The following GRM5 variants were observed in gnomAD, a reference collection of about 807,000 sequenced individuals.
The protein encoded by GRM5 is metabotropic glutamate receptor 5.
In GRM5, 19 loss-of-function variants were observed where a neutral mutation model predicts 83.1. The observed-to-expected ratio is 0.23, with a 90% CI of 0.16 to 0.34. GRM5 has a LOEUF of 0.34. GRM5 is among the 10% of genes least tolerant of loss of function. The pLI is 1.00. For synonymous variants in GRM5, 675 were observed against 633.6 expected, an observed-to-expected ratio of 1.07 and a Z score of -0.98; for missense variants, 1,160 against 1,588.3, an observed-to-expected ratio of 0.73 and a Z score of 4.58.
rs35291381 is a variant in GRM5 at position 88,966,057 on chromosome 11, C to T, written c.661+81155G>A. ...AAAAATCATACAAAGTATATTAGAC[C>T]GTAACATAATTTAAATAGAAAGAAA... On this transcript the variant is annotated intron_variant, in intron 2 of 9. Transcript: ENST00000305447. Among the ~76,000 whole-genome samples, 1,115 of 151,940 alleles carry T rather than the reference C, an allele frequency of 7.3e-3. 10 individuals are homozygous for T. The highest frequency in any genetic ancestry group is 0.048 in the Middle Eastern group (14 of 294).
rs1940037810 is a variant in GRM5, at chr11:88,993,037, A to T, written c.661+54175T>A. Among the ~76,000 whole-genome samples, 4 of 150,888 alleles carry T rather than the reference A, an allele frequency of 2.7e-5. No individual in the cohort carries two copies. In the South Asian group the frequency reaches 6.2e-4, roughly 24 times the overall value. On this transcript the variant is annotated intron_variant, in intron 2 of 9. Transcript: ENST00000305447. Reference sequence around the variant, plus strand: ...TAATAAATAAAATAAATAAAATAATAAAAAAATAAAAAATAAATAAAAAAA... The same window carrying T: ...TAATAAATAAAATAAATAAAATAATTAAAAAATAAAAAATAAATAAAAAAA...
chr11:88,765,920 A>G (rs1212424428), intron 3 of GRM5, among the ~76,000 whole-genome samples: 1 of 151,822 alleles, frequency 6.6e-6, no homozygotes, highest in Non-Finnish European at 1.5e-5. Context: ...ACAGAATGGG[A>G]GAAAATGTTT....
chr11:88,872,572 G>A (rs1047607655), intron 2 of GRM5, among the ~76,000 whole-genome samples: 11 of 151,314 alleles, frequency 7.3e-5, no homozygotes, highest in Admixed American at 4.6e-4. Flanking sequence ...GCAAGGAAGG[G>A]ATGAAAAATA....
chr11:88,981,031 T>A (rs568326699), intron 2 of GRM5, among the ~76,000 whole-genome samples: 133 of 152,212 alleles, frequency 8.7e-4, no homozygotes, highest in African/African-American at 2.5e-3. Flanking sequence ...ATGAGTTTTT[T>A]AAAAAAATCT....
intron 3 of GRM5, among the ~76,000 whole-genome samples, chr11:88,743,624 C>T (rs998824681): frequency 2.6e-5 from 4 of 152,076 alleles, no homozygotes; most frequent in African/African-American, 9.7e-5. Context: ...GATTCAGAGC[C>T]AGTGAGAGAT....
At chr11:88,791,357 C>T (rs1943168855) in intron 3 of GRM5, among the ~76,000 whole-genome samples, 1 of 152,092 alleles carries the variant, frequency 6.6e-6, no homozygotes, top group African/African-American at 2.4e-5. Context: ...TTTAGGAAAA[C>T]ATAAGATGCT....
chr11:88,956,565 C>T (rs573999896), intron 2 of GRM5, among the ~76,000 whole-genome samples: 12 of 151,026 alleles, frequency 7.9e-5, no homozygotes, highest in Non-Finnish European at 1.2e-4. Flanking sequence ...CCAGCACTTT[C>T]GGCGGCCGAG....
At chr11:88,656,778 AAAT>A (rs1185929541) in intron 3 of GRM5, among the ~76,000 whole-genome samples, 2 of 152,164 alleles carry the variant, frequency 1.3e-5, no homozygotes, top group Admixed American at 1.3e-4. Context: ...ATATTTGGAA[AAAT>A]AATAATACAA....
chr11:88,996,373 G>A (rs1444810159), intron 2 of GRM5, among the ~76,000 whole-genome samples: 1 of 152,134 alleles, frequency 6.6e-6, no homozygotes, highest in Non-Finnish European at 1.5e-5. Context: ...CACAAATCAA[G>A]TTATAACAAT....
chr11:88,930,803 C>T (rs761351459), intron 2 of GRM5, among the ~76,000 whole-genome samples: 69 of 152,104 alleles, frequency 4.5e-4, no homozygotes, highest in Non-Finnish European at 7.4e-5. Flanking sequence ...CCCACCTTGG[C>T]CTCCAACAGT....
At chr11:88,862,129 AG>A (rs1301570794) in intron 2 of GRM5, among the ~76,000 whole-genome samples, 1 of 152,184 alleles carries the variant, frequency 6.6e-6, no homozygotes, top group African/African-American at 2.4e-5. Context: ...TATATTATCA[AG>A]GACAGCACAG....
intron 2 of GRM5, among the ~76,000 whole-genome samples, chr11:88,933,983 A>C (rs996296941): frequency 8.6e-5 from 13 of 151,886 alleles, no homozygotes; most frequent in African/African-American, 3.1e-4. Context: ...AAGTACTTTT[A>C]AGGACAGATA....
At chr11:88,686,908 C>A (rs1393134359) in intron 3 of GRM5, among the ~76,000 whole-genome samples, 1 of 152,074 alleles carries the variant, frequency 6.6e-6, no homozygotes, top group Non-Finnish European at 1.5e-5. Flanking sequence ...CCAGATTTTG[C>A]CTCCTATTAC....
chr11:88,673,801 G>A lies in GRM5; in HGVS notation c.912-20398C>T, dbSNP rs577347182. ...GTATTGAGTAGAAAACATGAACCCA[G>A]GCTACAAGAGAAGCGTAGAGAAACA... On this transcript the variant is annotated intron_variant, in intron 3 of 9. Coordinates refer to ENST00000305447, the MANE Select transcript of GRM5 (RefSeq NM_001143831.3). Among the ~76,000 whole-genome samples the A allele has an allele frequency of 4.0e-5, 6 of 151,606 alleles. No individual in the cohort carries two copies. The South Asian group carries it at 1.2e-3, about 31-fold the overall frequency.
Position 88,637,718 on chromosome 11 carries a change from T to A in GRM5, c.1147+15450A>T, listed in dbSNP as rs532700570. Among the ~76,000 whole-genome samples the A allele has an allele frequency of 2.8e-4, 42 of 147,842 alleles. 1 individual carries two copies. In the South Asian group the frequency reaches 8.7e-3, roughly 31 times the overall value. On this transcript the variant is annotated intron_variant, in intron 4 of 9. Coordinates refer to ENST00000305447, the MANE Select transcript of GRM5 (RefSeq NM_001143831.3). ...TTACACTGTTGGTGGGAGTGTAAAC[T>A]AGTTCAACCATTGTGGAAGTCAGTG...
intron 6 of GRM5, among the ~76,000 whole-genome samples, chr11:88,591,752 T>C (rs148599643): frequency 6.6e-6 from 1 of 152,318 alleles, no homozygotes; most frequent in Non-Finnish European, 1.5e-5. Flanking sequence ...ACTACAAAAA[T>C]ACAAGCAGGG....
rs530515231 is a variant in GRM5 at position 89,006,944 on chromosome 11, C to T, written c.661+40268G>A. ...TCCTGAGTAGCTGGGACTACAGGCG[C>T]CCGCCACCACACCCGGCTAATTTTT... On this transcript the variant is annotated intron_variant, in intron 2 of 9. Coordinates refer to ENST00000305447, the MANE Select transcript of GRM5 (RefSeq NM_001143831.3). Among the ~76,000 whole-genome samples, 7 of 152,244 alleles carry T rather than the reference C, an allele frequency of 4.6e-5. 1 individual carries two copies. In the South Asian group the frequency reaches 1.5e-3, roughly 32 times the overall value.
chr11:88,590,967 A>G lies in GRM5; in HGVS notation c.1564-240T>C, dbSNP rs1565351374. Among the ~76,000 whole-genome samples the G allele has an allele frequency of 1.3e-5, 2 of 152,158 alleles. 1 individual carries two copies. Among genetic ancestry groups the G allele is most frequent in the African/African-American group, 4.8e-5 (2 of 41,436 alleles). ...CAGGATAAAGAATTAAATTAAATGA[A>G]AGTCTTTGGATAATTAGCCTTGGAA... is the stretch of plus-strand genomic sequence containing the variant. On this transcript the variant is annotated intron_variant, in intron 6 of 9. Coordinates refer to ENST00000305447, the MANE Select transcript of GRM5 (RefSeq NM_001143831.3).
chr11:88,619,471 T>C (rs749394509), intron 4 of GRM5, among the ~76,000 whole-genome samples: 8 of 152,172 alleles, frequency 5.3e-5, no homozygotes, highest in Non-Finnish European at 1.2e-4. Context: ...TCATCCAAGA[T>C]TGTGACCTTC....
Sources: allele counts gnomAD v4.1 joint callset (sites outside exome capture counted in the v4.1 genomes callset), GRCh38; gene constraint gnomAD v4.1.1; transcripts MANE v1.5; gene names NCBI Gene and HGNC (gene_info 2026-07-23, HGNC 2026-07-21).